MAGI1: variants seen among roughly 807,000 people sequenced by gnomAD.
The protein encoded by MAGI1 is membrane-associated guanylate kinase, WW and PDZ domain-containing protein 1.
Under a neutral mutation model 139.9 loss-of-function variants are expected in MAGI1, and 58 were observed. That is an observed-to-expected ratio of 0.41 (90% CI 0.34 to 0.52). The LOEUF is 0.52. Among genes scored for constraint, MAGI1 ranks in the 20% least tolerant of loss-of-function variants. The pLI is 0.12. For synonymous variants in MAGI1, 812 were observed against 737.9 expected, an observed-to-expected ratio of 1.10 and a Z score of -1.63; for missense variants, 1,874 against 1,901.6, an observed-to-expected ratio of 0.99 and a Z score of 0.27.
In MAGI1 at chr3:65,480,736, C is replaced by G. The variant is rs367831855; in HGVS notation, c.551-1938G>C. On this transcript the variant is annotated intron_variant, in intron 3 of 22. Transcript: ENST00000402939. ...AAGTAGCTGGAACTATAGGCATGCA[C>G]CACCACGCCTGGCTAACTTTTTTGT... Among the ~76,000 whole-genome samples, 146 of 151,910 alleles carry G rather than the reference C, an allele frequency of 9.6e-4. 5 individuals are homozygous for G. The South Asian group carries it at 0.029, about 31-fold the overall frequency.
intron 1 of MAGI1, among the ~76,000 whole-genome samples, chr3:65,993,553 T>C (rs56299750): frequency 1.3e-5 from 2 of 152,346 alleles, no homozygotes; most frequent in African/African-American, 4.8e-5. Context: ...CAAGCCTCCA[T>C]GGACTGAACC....
At chr3:65,870,830 C>A (rs2059913667) in intron 1 of MAGI1, among the ~76,000 whole-genome samples, 1 of 151,308 alleles carries the variant, frequency 6.6e-6, no homozygotes, top group African/African-American at 2.4e-5. Flanking sequence ...TGCCTGTAAT[C>A]CCAGCACTTT....
rs2106665436 is a variant in MAGI1, at chr3:65,354,282, TCA to T, written c.*2094_*2095del. 1 of 152,786 alleles carries T rather than the reference TCA, an allele frequency of 6.5e-6. No individual in the cohort carries two copies. The highest frequency in any genetic ancestry group is 1.9e-4 in the East Asian group (1 of 5,190). 9.5% of individuals were successfully genotyped at this position (152,786 alleles called of 1,614,324 possible). ...AAAACTTTAATAATAAAAATAGCAT[TCA>T]CAGACTTTTCCCTCCTTTTTAGCTA... On this transcript the variant is annotated 3_prime_UTR_variant, in exon 23 of 23. Coordinates refer to ENST00000402939, the MANE Select transcript of MAGI1 (RefSeq NM_001033057.2).
intron 14 of MAGI1, among the ~76,000 whole-genome samples, chr3:65,385,924 C>A (rs1943414368): frequency 6.6e-6 from 1 of 152,142 alleles, no homozygotes; most frequent in Admixed American, 6.5e-5. Context: ...AGTTGTGTCT[C>A]CGTCTTTGAG....
At chr3:65,757,454 A>G (rs988339221) in intron 1 of MAGI1, among the ~76,000 whole-genome samples, 1 of 152,200 alleles carries the variant, frequency 6.6e-6, no homozygotes, top group East Asian at 1.9e-4. Flanking sequence ...CCTGGCCAAC[A>G]TGGCGAAATC....
chr3:65,386,816 C>T (rs189128503), intron 14 of MAGI1, among the ~76,000 whole-genome samples: 53 of 152,224 alleles, frequency 3.5e-4, no homozygotes, highest in African/African-American at 1.3e-3. Flanking sequence ...TTGGGTAATG[C>T]CAGTGACAAT....
At chr3:65,846,348 T>G (rs1048826392) in intron 1 of MAGI1, among the ~76,000 whole-genome samples, 8 of 152,194 alleles carry the variant, frequency 5.3e-5, no homozygotes, top group African/African-American at 1.9e-4. Context: ...AAGGGAAACT[T>G]CACCCCAAAC....
rs1261694376 is a variant in MAGI1, at chr3:65,453,251, C to A, written c.1042+7G>T. ...TCACTTAACCCAAGACCTGCCTGGC[C>A]CCTTACCATCATCTTCACACTCTTC... On this transcript the variant is annotated splice_region_variant and intron_variant, in intron 6 of 22. Coordinates refer to ENST00000402939, the MANE Select transcript of MAGI1 (RefSeq NM_001033057.2). 5 of 1,613,610 alleles carry A rather than the reference C, an allele frequency of 3.1e-6. No homozygotes were observed. In the East Asian group the frequency reaches 8.9e-5, roughly 29 times the overall value.
chr3:65,963,764 CA>C (rs2064592618), intron 1 of MAGI1, among the ~76,000 whole-genome samples: 1 of 152,132 alleles, frequency 6.6e-6, no homozygotes, highest in Non-Finnish European at 1.5e-5. Context: ...ACAACACTCC[CA>C]AAACAGGAGA....
intron 2 of MAGI1, among the ~76,000 whole-genome samples, chr3:65,616,360 G>T (rs773222201): frequency 6.6e-6 from 1 of 152,144 alleles, no homozygotes; most frequent in African/African-American, 2.4e-5. Flanking sequence ...CAAGATAAAT[G>T]TTGTTTACAT....
intron 1 of MAGI1, among the ~76,000 whole-genome samples, chr3:65,934,157 C>T (rs1360631273): frequency 2.0e-4 from 30 of 151,936 alleles, no homozygotes. Flanking sequence ...AATCCCTATT[C>T]CTTCAAAGAG....
At chr3:65,957,414 G>A (rs938903741) in intron 1 of MAGI1, among the ~76,000 whole-genome samples, 12 of 149,378 alleles carry the variant, frequency 8.0e-5, no homozygotes, top group Admixed American at 2.7e-4. Flanking sequence ...CCAGCTACCC[G>A]CGGCGCTGAG....
At chr3:65,811,957 T>TGA (rs1313372454) in intron 1 of MAGI1, among the ~76,000 whole-genome samples, 7 of 150,462 alleles carry the variant, frequency 4.7e-5, no homozygotes, top group Non-Finnish European at 7.4e-5. Context: ...TGTGTGTGTG[T>TGA]GTGAGAGAGA....
chr3:65,950,989 AAGGAAGGAAGG>A (rs1385134229), intron 1 of MAGI1, among the ~76,000 whole-genome samples: 2 of 115,028 alleles, frequency 1.7e-5, no homozygotes, highest in African/African-American at 6.8e-5. Context: ...GGAAGGAAGG[AAGGAAGGAAGG>A]AAGGAAGGAA....
chr3:65,988,744 A>G (rs940688768), intron 1 of MAGI1, among the ~76,000 whole-genome samples: 5 of 152,202 alleles, frequency 3.3e-5, no homozygotes, highest in Non-Finnish European at 5.9e-5. Context: ...AGCTTCTATC[A>G]TTATAATTAG....
At chr3:65,791,124 A>C (rs2039738203) in intron 1 of MAGI1, among the ~76,000 whole-genome samples, 1 of 152,236 alleles carries the variant, frequency 6.6e-6, no homozygotes, top group Admixed American at 6.5e-5. Flanking sequence ...CATGCTTTAT[A>C]CGTGCAATTC....
intron 1 of MAGI1, among the ~76,000 whole-genome samples, chr3:66,008,518 G>C (rs960713542): frequency 6.6e-6 from 1 of 152,188 alleles, no homozygotes; most frequent in African/African-American, 2.4e-5. Context: ...CTGGGGAACA[G>C]ACACAACCCA....
intron 1 of MAGI1, among the ~76,000 whole-genome samples, chr3:65,761,954 T>C (rs752413953): frequency 1.7e-4 from 26 of 152,078 alleles, no homozygotes; most frequent in Non-Finnish European, 2.9e-4. Context: ...TGGGCTTAAA[T>C]AGACACAAAA....
At chr3:65,800,685 A>G (rs1269657874) in intron 1 of MAGI1, among the ~76,000 whole-genome samples, 1 of 152,214 alleles carries the variant, frequency 6.6e-6, no homozygotes, top group East Asian at 1.9e-4. Context: ...TGCTTCTGAA[A>G]AGGAGTGATA....
Sources: gnomAD v4.1 joint callset for allele counts (sites outside exome capture counted in the v4.1 genomes callset) on GRCh38, gnomAD v4.1.1 for gene constraint, MANE v1.5 for transcripts, NCBI Gene and HGNC (gene_info 2026-07-23, HGNC 2026-07-21) for gene names.